Variants in PROM2 observed in about 807,000 individuals in gnomAD.
PROM2 encodes prominin-2.
PROM2 carries 90 observed loss-of-function variants against 110.2 expected under a neutral mutation model. The observed-to-expected ratio is 0.82, with a 90% CI of 0.69 to 0.97. PROM2 has a LOEUF of 0.97. PROM2 is among the 50% of genes least tolerant of loss of function. PROM2 has a pLI of 0.00. For synonymous variants in PROM2, 470 were observed against 467.8 expected (o/e 1.00, Z -0.06); for missense variants, 1,009 against 1,074.8 (o/e 0.94, Z 0.86).
chr2:95,289,382 T>G lies in PROM2; in HGVS notation c.*169T>G, dbSNP rs1677568711. On this transcript the variant is annotated 3_prime_UTR_variant, in exon 24 of 24. Coordinates refer to ENST00000317620, the MANE Select transcript of PROM2 (RefSeq NM_001165978.3). ...ACCTTGCCTGCTCCTTTCCACCCCT[T>G]TCTGCTCACGACCCCCATCATTCAC... The G allele has an allele frequency of 3.9e-6, 1 of 254,914 alleles. No homozygotes were observed. The highest frequency in any genetic ancestry group is 5.9e-5 in the South Asian group (1 of 16,886). The allele number at this position is 254,914 out of a possible 1,614,324, so 15.8% of individuals were successfully genotyped here.
rs760429259 is a variant in PROM2 at position 95,281,305 on chromosome 2, G to C, written c.1491G>C (p.Leu497=). The C allele has an allele frequency of 1.6e-5, 26 of 1,613,366 alleles. No homozygotes were observed. The highest frequency in any genetic ancestry group is 9.3e-6 in the Non-Finnish European group (11 of 1,180,008). Residue 497 remains leucine, a synonymous_variant, in exon 12 of 24, where the codon CTG becomes CTC. Coordinates refer to ENST00000317620, the MANE Select transcript of PROM2 (RefSeq NM_001165978.3). Reference sequence around the variant, plus strand: ...TCCTCCTGGTGTTCGCCACCTTCCTGGTGGGTGGCAACGTGCAGACGCTGG... The same window carrying C: ...TCCTCCTGGTGTTCGCCACCTTCCTCGTGGGTGGCAACGTGCAGACGCTGG... ...PLILLVFATF[L]VGGNVQTLVC... is the part of the protein sequence containing the mutation.
Position 95,279,156 on chromosome 2 carries a change from C to CG in PROM2, c.1274+13dup, listed in dbSNP as rs397789751. On this transcript the variant is annotated intron_variant, in intron 10 of 23. Coordinates refer to ENST00000317620, the MANE Select transcript of PROM2 (RefSeq NM_001165978.3). ...TACGAGACCTACAGGTGCTGGGCAC[C>CG]GCAGGGTGGGATGGGGTGGGGTGGG... 3.2e-5 allele frequency: 24 copies of CG among 751,838 alleles called. No homozygotes were observed. The highest frequency in any genetic ancestry group is 1.2e-5 in the Non-Finnish European group (6 of 490,466). The allele number at this position is 751,838 out of a possible 1,614,324, so 46.6% of individuals were successfully genotyped here.
intron 21 of PROM2, 88 bp downstream of exon 21, chr2:95,288,388 C>A: frequency 6.3e-7 from 1 of 1,583,068 alleles, no homozygotes; most frequent in Non-Finnish European, 8.7e-7. Flanking sequence ...GGGTGTGAAG[C>A]CAGGCATGGC....
At chr2:95,280,099 C>A in intron 11 of PROM2, 102 bp downstream of exon 11, 1 of 1,167,674 alleles carries the variant, frequency 8.6e-7, no homozygotes. Context: ...GTGTCAGTGT[C>A]ATCATCTGAA....
rs1677662126 is a variant in PROM2, at chr2:95,291,154, G to A, written c.*1941G>A. 6.6e-6 allele frequency: 1 copy of A among 151,980 alleles called. No homozygotes were observed. Among genetic ancestry groups the A allele is most frequent in the Admixed American group, 6.6e-5 (1 of 15,260 alleles). 9.4% of individuals were successfully genotyped at this position (151,980 alleles called of 1,614,324 possible). On this transcript the variant is annotated 3_prime_UTR_variant, in exon 24 of 24. Coordinates refer to ENST00000317620, the MANE Select transcript of PROM2 (RefSeq NM_001165978.3). ...GCATACACAATGTATTATTATCACT[G>A]TCAGATGAGCATGCTTGAATGTAGC...
intron 18 of PROM2, 53 bp downstream of exon 18, chr2:95,286,910 G>A: frequency 1.3e-6 from 2 of 1,568,882 alleles, no homozygotes; most frequent in Non-Finnish European, 1.8e-6. Context: ...GCAGAGGCGG[G>A]GAGGAAGTAG....
chr2:95,281,416 G>C (rs1010059407), intron 12 of PROM2, 51 bp downstream of exon 12: 2 of 1,042,430 alleles, frequency 1.9e-6, no homozygotes, highest in Non-Finnish European at 2.7e-6. Flanking sequence ...GTGGGGGGCG[G>C]TATCAGCAGA....
At chr2:95,284,114 T>A (rs943118752) in intron 14 of PROM2, among the ~76,000 whole-genome samples, 3 of 152,208 alleles carry the variant, frequency 2.0e-5, no homozygotes, top group Admixed American at 6.5e-5. Flanking sequence ...GGCAGGGGCC[T>A]ACTGGGAGCC....
rs559074657 is a variant in PROM2, at chr2:95,290,183, G to T, written c.*970G>T. Reference sequence around the variant, plus strand: ...TTTTGCACGGCCCCTTTTATCCTGCGCATGTGGCCTAGGGTCATCCCCAGC... The same window carrying T: ...TTTTGCACGGCCCCTTTTATCCTGCTCATGTGGCCTAGGGTCATCCCCAGC... On this transcript the variant is annotated 3_prime_UTR_variant, in exon 24 of 24. Transcript: ENST00000317620. The T allele has an allele frequency of 6.6e-6, 1 of 152,276 alleles. No individual in the cohort carries two copies. The highest frequency in any genetic ancestry group is 2.4e-5 in the African/African-American group (1 of 41,448). The allele number at this position is 152,276 out of a possible 1,614,324, so 9.4% of individuals were successfully genotyped here.
rs1254623616 is a variant in PROM2 at position 95,288,280 on chromosome 2, G to A, written c.2314G>A (p.Asp772Asn). 1 of 1,614,094 alleles carries A rather than the reference G, an allele frequency of 6.2e-7. No homozygotes were observed. Among genetic ancestry groups the A allele is most frequent in the African/African-American group, 1.3e-5 (1 of 75,066 alleles). ...GGACAACAGCCGTGTGATCCTGTGT[G>A]ACATGATGGCTGACCCCTGGGTGAG... ...ALDNSRVILC[D>N]MMADPWNAFW... Residue 772 changes from aspartate (D) to asparagine (N), a missense_variant, in exon 21 of 24, where the codon GAC becomes AAC. Transcript: ENST00000317620.
intron 8 of PROM2, chr2:95,278,211 G>A (rs571880784): frequency 5.0e-6 from 3 of 598,262 alleles, no homozygotes; most frequent in African/African-American, 3.7e-5. Flanking sequence ...AAGGCGGCAG[G>A]CGTCTGGGGG....
rs200038662 is a variant in PROM2, at chr2:95,289,295, GC to G, written c.*86del. 4.7e-3 allele frequency: 2,205 copies of G among 469,616 alleles called. 11 individuals are homozygous for G. Among genetic ancestry groups the G allele is most frequent in the Non-Finnish European group, 6.8e-3 (1,741 of 255,136 alleles). 29.1% of individuals were successfully genotyped at this position (469,616 alleles called of 1,614,324 possible). A position where few individuals can be genotyped will look rare whatever the true frequency, so the allele number is the denominator to read the frequency against. ...GGGCCACAGGACTTCGGTAGCTCTT[GC>G]CCCAGAGCCCAGGCTGGCATCCAGG... is the stretch of plus-strand genomic sequence containing the variant. On this transcript the variant is annotated 3_prime_UTR_variant, in exon 24 of 24. Transcript: ENST00000317620.
In PROM2 at chr2:95,274,574, C is replaced by A. The variant is rs751238274; in HGVS notation, c.-12C>A. ...TCCCTCCTGAGCCTGAGCCCCTTAC[C>A]TTCCTGACCCCATGAAGCACACACT... On this transcript the variant is annotated 5_prime_UTR_variant, in exon 1 of 24. Coordinates refer to ENST00000317620, the MANE Select transcript of PROM2 (RefSeq NM_001165978.3). The A allele has an allele frequency of 4.5e-6, 7 of 1,560,624 alleles. No individual in the cohort carries two copies. In the South Asian group the frequency reaches 8.3e-5, roughly 19 times the overall value.
At position 95,274,502 on chromosome 2, in the gene PROM2, G is replaced by A; in HGVS notation, c.-84G>A. 1.4e-6 allele frequency: 2 copies of A among 1,472,018 alleles called. No homozygotes were observed. Among genetic ancestry groups the A allele is most frequent in the East Asian group, 2.4e-5 (1 of 40,952 alleles). The allele number at this position is 1,472,018 out of a possible 1,614,324, so 91.2% of individuals were successfully genotyped here. A position where few individuals can be genotyped will look rare whatever the true frequency, so the allele number is the denominator to read the frequency against. On this transcript the variant is annotated 5_prime_UTR_variant, in exon 1 of 24. Coordinates refer to ENST00000317620, the MANE Select transcript of PROM2 (RefSeq NM_001165978.3). Reference sequence around the variant, plus strand: ...CAGGTTTTGAGAGCTGTGGAGAGAGGGACAGAGGCTGGAGAAGGATGTATG... The same window carrying A: ...CAGGTTTTGAGAGCTGTGGAGAGAGAGACAGAGGCTGGAGAAGGATGTATG...
chr2:95,283,083 T>G (rs1369290860), intron 14 of PROM2, among the ~76,000 whole-genome samples: 1 of 152,228 alleles, frequency 6.6e-6, no homozygotes, highest in Non-Finnish European at 1.5e-5. Flanking sequence ...GGGACAGTTA[T>G]GCAGCTCACT....
rs1297279189 is a variant in PROM2, at chr2:95,277,347, G to T, written c.773-17G>T. ...GCATATGGTGGACCCTGCTCAGGCTGGGTGTGGGTCTCTCAGTCCTGCAGG... is the reference window on the plus strand; with the variant it reads ...GCATATGGTGGACCCTGCTCAGGCTTGGTGTGGGTCTCTCAGTCCTGCAGG... On this transcript the variant is annotated splice_polypyrimidine_tract_variant and intron_variant, in intron 6 of 23. Coordinates refer to ENST00000317620, the MANE Select transcript of PROM2 (RefSeq NM_001165978.3). The T allele has an allele frequency of 1.3e-6, 2 of 1,599,604 alleles. No individual in the cohort carries two copies. The highest frequency in any genetic ancestry group is 1.7e-6 in the Non-Finnish European group (2 of 1,171,804).
At chr2:95,277,216 CT>C (rs1676723789) in intron 6 of PROM2, 147 bp from the exon 7 acceptor site, 1 of 1,131,006 alleles carries the variant, frequency 8.8e-7, no homozygotes. Context: ...CCTCCCCTGG[CT>C]TAATGTGCCC....
chr2:95,277,148 T>C lies in PROM2; in HGVS notation c.772+87T>C, dbSNP rs553680006. The C allele has an allele frequency of 5.0e-4, 644 of 1,293,180 alleles. 1 individual carries two copies. In the African/African-American group the frequency reaches 8.5e-3, roughly 17 times the overall value. 80.1% of individuals were successfully genotyped at this position (1,293,180 alleles called of 1,614,324 possible). A position where few individuals can be genotyped will look rare whatever the true frequency, so the allele number is the denominator to read the frequency against. ...CACCTGCACCTAGCCCTGGATTTCC[T>C]GAGCCACCTCTGCCCCACCTGTGAC... On this transcript the variant is annotated intron_variant, in intron 6 of 23. Transcript: ENST00000317620.
chr2:95,279,142 C>A lies in PROM2; in HGVS notation c.1272C>A (p.Tyr424Ter), dbSNP rs527909480. 4.0e-6 allele frequency: 4 copies of A among 992,478 alleles called. No homozygotes were observed. Among genetic ancestry groups the A allele is most frequent in the Non-Finnish European group, 5.2e-6 (4 of 766,354 alleles). The allele number at this position is 992,478 out of a possible 1,614,324, so 61.5% of individuals were successfully genotyped here. Residue 424 changes from tyrosine (Y) to a stop codon, truncating the protein, a stop_gained and splice_region_variant, in exon 10 of 24, where the codon TAC becomes TAA. Transcript: ENST00000317620. LOFTEE classifies it high-confidence loss of function. ...YLQEVQRYET[Y>*]RWIVGCVLCS... is the part of the protein sequence containing the mutation. The stretch of plus-strand genomic sequence containing the variant: ...AGGAGGTGCAGAGATACGAGACCTA[C>A]AGGTGCTGGGCACCGCAGGGTGGGA...
Sources: gnomAD v4.1 joint callset for allele counts (sites outside exome capture counted in the v4.1 genomes callset) on GRCh38, gnomAD v4.1.1 for gene constraint, MANE v1.5 for transcripts, NCBI Gene and HGNC (gene_info 2026-07-23, HGNC 2026-07-21) for gene names.